GABRA3: variants seen among roughly 807,000 people sequenced by gnomAD.
The protein encoded by GABRA3 is gamma-aminobutyric acid receptor subunit alpha-3.
Under a neutral mutation model 30.1 loss-of-function variants are expected in GABRA3, and 10 were observed. That is an observed-to-expected ratio of 0.33 (90% CI 0.20 to 0.56). GABRA3 has a LOEUF of 0.56. Ranked by LOEUF, GABRA3 falls within the 20% of genes least tolerant of loss-of-function variation. The pLI is 0.89. For synonymous variants in GABRA3, 151 were observed against 146.8 expected, an observed-to-expected ratio of 1.03 and a Z score of -0.21; for missense variants, 233 against 392.0, an observed-to-expected ratio of 0.59 and a Z score of 3.42.
chrX:152,387,324 T>C (rs1015804609), intron 1 of GABRA3, among the ~76,000 whole-genome samples: 5 of 111,138 alleles, frequency 4.5e-5, no homozygotes, highest in Non-Finnish European at 9.4e-5. Context: ...CAAAGGAAAA[T>C]CATGATTCCA....
intron 6 of GABRA3, among the ~76,000 whole-genome samples, chrX:152,220,343 G>T (rs1937808531): frequency 9.0e-6 from 1 of 111,591 alleles, no homozygotes; most frequent in African/African-American, 3.3e-5. Flanking sequence ...TTATGTGTTT[G>T]GCTTTTGCTC....
intron 5 of GABRA3, among the ~76,000 whole-genome samples, chrX:152,250,903 A>G (rs1170231212): frequency 9.0e-6 from 1 of 111,253 alleles, no homozygotes; most frequent in Non-Finnish European, 1.9e-5. Context: ...AAAAATTCTA[A>G]GTGTTCTGCA....
intron 1 of GABRA3, among the ~76,000 whole-genome samples, chrX:152,417,414 T>A (rs1930255321): frequency 9.1e-6 from 1 of 110,493 alleles, no homozygotes; most frequent in Admixed American, 9.7e-5. Context: ...GGAACACTTT[T>A]ACACTGTTGG....
chrX:152,406,110 C>G (rs1014088236), intron 1 of GABRA3, among the ~76,000 whole-genome samples: 1 of 109,640 alleles, frequency 9.1e-6, no homozygotes, highest in South Asian at 4.1e-4. Flanking sequence ...GTTTAGTGTG[C>G]TCCCAAGTGC....
chrX:152,258,369 A>C (rs779421707), intron 4 of GABRA3, among the ~76,000 whole-genome samples: 1 of 111,844 alleles, frequency 8.9e-6, no homozygotes, highest in Non-Finnish European at 1.9e-5. Flanking sequence ...AAAATTGCCC[A>C]GTTCACATTT....
intron 3 of GABRA3, among the ~76,000 whole-genome samples, chrX:152,302,066 T>A (rs1569389481): frequency 1.8e-5 from 2 of 111,214 alleles, no homozygotes; most frequent in East Asian, 5.6e-4. Flanking sequence ...AAAGACAATA[T>A]ATGAATTAGA....
At chrX:152,387,303 T>TAAA (rs1252821215) in intron 1 of GABRA3, among the ~76,000 whole-genome samples, 28 of 110,604 alleles carry the variant, frequency 2.5e-4, no homozygotes, top group African/African-American at 9.2e-4. Context: ...ATAATAATAA[T>TAAA]AAAGAAGCCA....
chrX:152,302,803 C>G (rs932930735), intron 3 of GABRA3, among the ~76,000 whole-genome samples: 4 of 111,319 alleles, frequency 3.6e-5, no homozygotes, highest in Admixed American at 9.5e-5. Context: ...CTATGTTTAG[C>G]TCCCACCTGT....
At chrX:152,412,206 T>C (rs1243558605) in intron 1 of GABRA3, among the ~76,000 whole-genome samples, 7 of 111,896 alleles carry the variant, frequency 6.3e-5, no homozygotes, top group African/African-American at 2.3e-4. Flanking sequence ...TTAGAACCCT[T>C]ATATATTGCT....
chrX:152,283,377 C>G lies in GABRA3; in HGVS notation c.330+1291G>C, dbSNP rs1024600047. Among the ~76,000 whole-genome samples, 4 of 111,645 alleles carry G rather than the reference C, an allele frequency of 3.6e-5. No individual in the cohort carries two copies. In the East Asian group the frequency reaches 1.1e-3, roughly 32 times the overall value. Reference sequence around the variant, plus strand: ...CAAAGGAAGTCTAATGTACCCTTCTCTTTACTCTACACTTGAAAGACAAGG... The same window carrying G: ...CAAAGGAAGTCTAATGTACCCTTCTGTTTACTCTACACTTGAAAGACAAGG... On this transcript the variant is annotated intron_variant, in intron 4 of 9. Coordinates refer to ENST00000370314, the MANE Select transcript of GABRA3 (RefSeq NM_000808.4).
intron 3 of GABRA3, among the ~76,000 whole-genome samples, chrX:152,328,392 A>AC (rs759809725): frequency 1.8e-5 from 2 of 111,627 alleles, no homozygotes; most frequent in African/African-American, 6.5e-5. Context: ...CAGAGACACA[A>AC]CAAAAAAGGA....
chrX:152,445,875 A>G (rs780635705), intron 1 of GABRA3, among the ~76,000 whole-genome samples: 1 of 112,146 alleles, frequency 8.9e-6, no homozygotes, highest in South Asian at 3.8e-4. Context: ...TCCCATTTTA[A>G]GAGGGATTTT....
chrX:152,332,109 T>A (rs1421755216), intron 3 of GABRA3, among the ~76,000 whole-genome samples: 1 of 111,840 alleles, frequency 8.9e-6, no homozygotes, highest in Non-Finnish European at 1.9e-5. Flanking sequence ...GCTGTAGTTA[T>A]CTCCTGAATG....
At chrX:152,310,115 G>C (rs745995756) in intron 3 of GABRA3, among the ~76,000 whole-genome samples, 1 of 111,850 alleles carries the variant, frequency 8.9e-6, no homozygotes, top group African/African-American at 3.2e-5. Context: ...ACCAACACTG[G>C]AACAGCCAGA....
At chrX:152,206,251 C>A (rs1216081547) in intron 7 of GABRA3, among the ~76,000 whole-genome samples, 4 of 112,828 alleles carry the variant, frequency 3.5e-5, no homozygotes, top group Non-Finnish European at 7.5e-5. Context: ...CTTTGGGCCA[C>A]GTGATGCTGC....
chrX:152,450,302 G>A (rs1931189651), intron 1 of GABRA3, among the ~76,000 whole-genome samples: 1 of 109,734 alleles, frequency 9.1e-6, no homozygotes, highest in South Asian at 4.1e-4. Flanking sequence ...GCAACAAACT[G>A]GGAGGCCAGT....
chrX:152,355,870 C>T (rs896766629), intron 2 of GABRA3, among the ~76,000 whole-genome samples: 7 of 111,630 alleles, frequency 6.3e-5, no homozygotes, highest in Non-Finnish European at 1.3e-4. Context: ...ATAGGAAATT[C>T]ATTTATTATA....
At chrX:152,170,418 A>T (rs1936988323) in intron 9 of GABRA3, among the ~76,000 whole-genome samples, 1 of 112,154 alleles carries the variant, frequency 8.9e-6, no homozygotes, top group Admixed American at 9.4e-5. Context: ...GGCTCAAGTG[A>T]TTCTCCCGCC....
At chrX:152,420,466 G>A (rs1160517249) in intron 1 of GABRA3, among the ~76,000 whole-genome samples, 1 of 110,999 alleles carries the variant, frequency 9.0e-6, no homozygotes, top group Non-Finnish European at 1.9e-5. Context: ...TTTAGAAAGT[G>A]ATTTTTTTTA....
Sources: gnomAD v4.1 joint callset for allele counts (sites outside exome capture counted in the v4.1 genomes callset) on GRCh38, gnomAD v4.1.1 for gene constraint, MANE v1.5 for transcripts, NCBI Gene and HGNC (gene_info 2026-07-23, HGNC 2026-07-21) for gene names.